The following ADARB2 variants were observed in gnomAD, a reference collection of about 807,000 sequenced individuals.
ADARB2 encodes the protein inactive double-stranded RNA-specific editase B2.
Under a neutral mutation model 62.2 loss-of-function variants are expected in ADARB2, and 25 were observed. That is an observed-to-expected ratio of 0.40 (90% CI 0.29 to 0.56). ADARB2 has a LOEUF of 0.56. Ranked by LOEUF, ADARB2 falls within the 20% of genes least tolerant of loss-of-function variation. ADARB2 has a pLI of 0.43. For missense variants in ADARB2, 1,071 were observed against 1,077.4 expected (o/e 0.99, Z 0.08); for synonymous variants, 572 against 500.8 (o/e 1.14, Z -1.90).
intron 1 of ADARB2, chr10:1,394,852 G>C: frequency 2.2e-6 from 1 of 457,108 alleles, no homozygotes; most frequent in Non-Finnish European, 4.4e-6. Context: ...CATATACCAG[G>C]ACTCGCTGTG....
At chr10:1,433,614 G>A (rs1027089113) in intron 1 of ADARB2, among the ~76,000 whole-genome samples, 1 of 152,088 alleles carries the variant, frequency 6.6e-6, no homozygotes, top group African/African-American at 2.4e-5. Flanking sequence ...GCAGGGATTC[G>A]ATCCACTTTG....
In ADARB2 at chr10:1,181,580, A is replaced by G. The variant is rs974607573; in HGVS notation, c.*1613T>C. The G allele has an allele frequency of 9.9e-5, 15 of 152,246 alleles. No individual in the cohort carries two copies. Among genetic ancestry groups the G allele is most frequent in the African/African-American group, 3.1e-4 (13 of 41,468 alleles). The allele number at this position is 152,246 out of a possible 1,614,324, so 9.4% of individuals were successfully genotyped here. ...CTCTACTTCTTATTATCTTGTAACA[A>G]ATAGCTACAACTCAGTTTCATTTCT... On this transcript the variant is annotated 3_prime_UTR_variant, in exon 10 of 10. Transcript: ENST00000381312.
chr10:1,614,452 G>A (rs974383342), intron 1 of ADARB2, among the ~76,000 whole-genome samples: 4 of 152,194 alleles, frequency 2.6e-5, no homozygotes, highest in Admixed American at 2.6e-4. Flanking sequence ...ATTTCTGAAA[G>A]TTCACCAAAC....
At chr10:1,532,846 C>T (rs917292574) in intron 1 of ADARB2, among the ~76,000 whole-genome samples, 6 of 152,148 alleles carry the variant, frequency 3.9e-5, no homozygotes, top group African/African-American at 1.4e-4. Flanking sequence ...GGAGAATGGG[C>T]GCTTCTCCAG....
chr10:1,700,581 A>G (rs77651274), intron 1 of ADARB2, among the ~76,000 whole-genome samples: 8 of 3,460 alleles, frequency 2.3e-3, no homozygotes, highest in Admixed American at 0.01. Context: ...GAGACCAGGC[A>G]CTCGCCAACA....
At chr10:1,527,244 A>T (rs1311038765) in intron 1 of ADARB2, among the ~76,000 whole-genome samples, 1 of 152,230 alleles carries the variant, frequency 6.6e-6, no homozygotes, top group Non-Finnish European at 1.5e-5. Context: ...TCTTGTACTT[A>T]TCGCATCCTC....
intron 1 of ADARB2, among the ~76,000 whole-genome samples, chr10:1,649,356 G>A (rs747203277): frequency 6.6e-6 from 1 of 152,072 alleles, no homozygotes; most frequent in Admixed American, 6.5e-5. Flanking sequence ...CTTCAGCATC[G>A]AGTATTCCCC....
chr10:1,737,029 C>A, intron 1 of ADARB2, 22 bp downstream of exon 1: 1 of 1,607,646 alleles, frequency 6.2e-7, no homozygotes, highest in Non-Finnish European at 8.5e-7. Flanking sequence ...GGGCAGGGGC[C>A]GGCGCGCCAC....
At chr10:1,412,480 A>G (rs1564283087) in intron 1 of ADARB2, among the ~76,000 whole-genome samples, 1 of 152,094 alleles carries the variant, frequency 6.6e-6, no homozygotes, top group Non-Finnish European at 1.5e-5. Flanking sequence ...TGCTTTTAAA[A>G]TAGTTCTCTA....
chr10:1,329,929 CTTTTTTT>C (rs370355543), intron 3 of ADARB2, among the ~76,000 whole-genome samples: 1,110 of 100,270 alleles, frequency 0.011, 10 homozygotes, highest in Non-Finnish European at 0.015. Flanking sequence ...GAAGAAGTGC[CTTTTTTT>C]TTTTTTTTTT....
At position 1,216,840 on chromosome 10, in the gene ADARB2, G is replaced by C. The variant is rs935747146; in HGVS notation, c.1682+111C>G. 30 of 1,368,934 alleles carry C rather than the reference G, an allele frequency of 2.2e-5. No individual in the cohort carries two copies. In the African/African-American group the frequency reaches 3.7e-4, roughly 17 times the overall value. The allele number at this position is 1,368,934 out of a possible 1,614,324, so 84.8% of individuals were successfully genotyped here. On this transcript the variant is annotated intron_variant, in intron 7 of 9. Coordinates refer to ENST00000381312, the MANE Select transcript of ADARB2 (RefSeq NM_018702.4). ...ACGGCTCAGGCACAGGGCCCTGACC[G>C]CATGTGCCCAGCATCACTGACCTCA...
intron 1 of ADARB2, among the ~76,000 whole-genome samples, chr10:1,631,088 C>T (rs1004386160): frequency 2.0e-5 from 3 of 152,192 alleles, no homozygotes; most frequent in African/African-American, 7.2e-5. Flanking sequence ...GGAAGAGTGG[C>T]CTGTGAACCA....
At chr10:1,675,998 C>G in intron 1 of ADARB2, 3 of 985,240 alleles carry the variant, frequency 3.0e-6, no homozygotes. Flanking sequence ...CCACCCACCC[C>G]CGACTTTGGT....
intron 1 of ADARB2, among the ~76,000 whole-genome samples, chr10:1,488,785 T>C (rs537305075): frequency 1.3e-5 from 2 of 152,332 alleles, no homozygotes; most frequent in East Asian, 3.9e-4. Context: ...AGCATACGTG[T>C]ATCTGTGTTT....
chr10:1,529,034 G>T (rs1832184385), intron 1 of ADARB2, among the ~76,000 whole-genome samples: 1 of 152,024 alleles, frequency 6.6e-6, no homozygotes, highest in South Asian at 2.1e-4. Flanking sequence ...GACTGCAGGA[G>T]CCAAGCAGCA....
chr10:1,208,770 T>G lies in ADARB2; in HGVS notation c.1682+8181A>C, dbSNP rs186488563. The stretch of plus-strand genomic sequence containing the variant: ...CCCCTGAGATGTGAGGACACAGTTC[T>G]AAGTGCCACAGGGAGGGCCTGGTTC... On this transcript the variant is annotated intron_variant, in intron 7 of 9. Transcript: ENST00000381312. 3.5e-4 allele frequency among the ~76,000 whole-genome samples: 53 copies of G among 152,346 alleles called. No homozygotes were observed. The East Asian group carries it at 9.5e-3, about 27-fold the overall frequency.
rs776880733 is a variant in ADARB2 at position 1,363,495 on chromosome 10, C to T, written c.610G>A (p.Gly204Arg). ...NACQAHLAMG[G>R]GPGPGTDFTS... is the part of the protein sequence containing the mutation. ...AAGTCCGTGCCGGGGCCCGGGCCCC[C>T]GCCCATGGCCAGGTGCGCCTGGCAG... Residue 204 changes from glycine to arginine, a missense_variant, in exon 3 of 10, where the codon GGG (glycine) becomes AGG (arginine). Gly to Arg is a moderately radical substitution (Grantham distance 125, BLOSUM62 -2). Coordinates refer to ENST00000381312, the MANE Select transcript of ADARB2 (RefSeq NM_018702.4). The T allele has an allele frequency of 1.3e-6, 2 of 1,514,652 alleles. No homozygotes were observed. Among genetic ancestry groups the T allele is most frequent in the Non-Finnish European group, 1.8e-6 (2 of 1,135,886 alleles). The allele number at this position is 1,514,652 out of a possible 1,614,324, so 93.8% of individuals were successfully genotyped here.
chr10:1,646,421 T>C (rs1381464953), intron 1 of ADARB2, among the ~76,000 whole-genome samples: 1 of 152,228 alleles, frequency 6.6e-6, no homozygotes, highest in African/African-American at 2.4e-5. Flanking sequence ...CAATGAACAG[T>C]GGTCTCATTG....
At chr10:1,310,396 T>G (rs1448031703) in intron 3 of ADARB2, among the ~76,000 whole-genome samples, 1 of 152,124 alleles carries the variant, frequency 6.6e-6, no homozygotes, top group African/African-American at 2.4e-5. Flanking sequence ...ATAACATTCC[T>G]TCATTGACTC....
Sources: allele counts gnomAD v4.1 joint callset (sites outside exome capture counted in the v4.1 genomes callset), GRCh38; gene constraint gnomAD v4.1.1; transcripts MANE v1.5; gene names NCBI Gene and HGNC (gene_info 2026-07-23, HGNC 2026-07-21).